KCNG4: variants seen among roughly 807,000 people sequenced by gnomAD.
KCNG4 encodes the protein voltage-gated potassium channel regulatory subunit KCNG4.
Under a neutral mutation model 28.2 loss-of-function variants are expected in KCNG4, and 30 were observed. That is an observed-to-expected ratio of 1.06 (90% CI 0.80 to 1.44). The LOEUF (loss-of-function observed/expected upper bound fraction) is 1.44. Among genes scored for constraint, KCNG4 ranks in the 40% most tolerant of loss-of-function variants. The pLI is 0.00. For synonymous variants in KCNG4, 375 were observed against 315.5 expected, an observed-to-expected ratio of 1.19 and a Z score of -2.00; for missense variants, 879 against 712.3, an observed-to-expected ratio of 1.23 and a Z score of -2.66.
intron 2 of KCNG4, among the ~76,000 whole-genome samples, chr16:84,232,665 C>T (rs1427161789): frequency 1.3e-5 from 2 of 151,928 alleles, no homozygotes; most frequent in Admixed American, 6.6e-5. Flanking sequence ...TTTGGGAGGC[C>T]GAGGTGGGAG....
Position 84,228,709 on chromosome 16 carries a change from A to G in KCNG4, c.757-5689T>C, listed in dbSNP as rs573855357. On this transcript the variant is annotated intron_variant, in intron 2 of 2. Coordinates refer to ENST00000308251, the MANE Select transcript of KCNG4 (RefSeq NM_172347.3). ...CCAACCGGACGGGGTCAGCCCCACC[A>G]TGGGACCTGGCCGATGAGTCATCTC... Among the ~76,000 whole-genome samples the G allele has an allele frequency of 3.4e-3, 507 of 150,524 alleles. 4 individuals carry two copies. Among genetic ancestry groups the G allele is most frequent in the African/African-American group, 0.012 (477 of 41,064 alleles).
chr16:84,237,083 GAA>G lies in KCNG4; in HGVS notation c.401_402del (p.Leu134ProfsTer180). ...AAGGACAGCGCGCACATCTCCTGCAGAAGCACCAGCTTCCCGGCCGCCAGGAA... is the reference window on the plus strand; with the variant it reads ...AAGGACAGCGCGCACATCTCCTGCAGGCACCAGCTTCCCGGCCGCCAGGAA... The part of the protein sequence containing the change: ...VSFLAAGKLV[L>X]LQEMCALSFQ... On this transcript the variant is annotated frameshift_variant, in exon 2 of 3. Coordinates refer to ENST00000308251, the MANE Select transcript of KCNG4 (RefSeq NM_172347.3). LOFTEE classifies it high-confidence loss of function. 1 of 1,614,110 alleles carries G rather than the reference GAA, an allele frequency of 6.2e-7. No individual in the cohort carries two copies. Among genetic ancestry groups the G allele is most frequent in the Non-Finnish European group, 8.5e-7 (1 of 1,180,024 alleles).
At chr16:84,227,926 G>A (rs779267659) in intron 2 of KCNG4, among the ~76,000 whole-genome samples, 2 of 152,188 alleles carry the variant, frequency 1.3e-5, no homozygotes, top group Non-Finnish European at 2.9e-5. Flanking sequence ...GATGGAGGAG[G>A]AGGGTAGCAG....
chr16:84,227,956 C>T (rs1011744190), intron 2 of KCNG4, among the ~76,000 whole-genome samples: 4 of 151,952 alleles, frequency 2.6e-5, no homozygotes, highest in East Asian at 1.9e-4. Flanking sequence ...CACAGCTCCA[C>T]GATGATACTA....
rs1442197433 is a variant in KCNG4, at chr16:84,226,064, C to T, written c.757-3044G>A. 6.6e-6 allele frequency among the ~76,000 whole-genome samples: 1 copy of T among 152,182 alleles called. No individual in the cohort carries two copies. The highest frequency in any genetic ancestry group is 1.5e-5 in the Non-Finnish European group (1 of 68,016). On this transcript the variant is annotated intron_variant, in intron 2 of 2. Transcript: ENST00000308251. The surrounding 1 kb of genome is among the most constrained non-coding windows in gnomAD (Gnocchi z 4.1). ...TGCTTAAACCCAGAAAGTTCCGGGT[C>T]CTAGGAACCCCCTGGGCCCTGGGCA...
chr16:84,226,681 C>T lies in KCNG4; in HGVS notation c.757-3661G>A, dbSNP rs1049808672. 7.7e-6 allele frequency among the ~76,000 whole-genome samples: 1 copy of T among 129,056 alleles called. No individual in the cohort carries two copies. Among genetic ancestry groups the T allele is most frequent in the African/African-American group, 2.9e-5 (1 of 34,686 alleles). The allele number at this position is 129,056 out of a possible 152,430, so 84.7% of individuals were successfully genotyped here. A position where few individuals can be genotyped will look rare whatever the true frequency, so the allele number is the denominator to read the frequency against. On this transcript the variant is annotated intron_variant, in intron 2 of 2. Transcript: ENST00000308251. The surrounding 1 kb of genome is among the most constrained non-coding windows in gnomAD (Gnocchi z 4.1). ...ATCACCTGAGGTCAGGAGTTCGAGA[C>T]CAGCCTGACCAATATGGTGAAACCT...
At chr16:84,224,927 G>A (rs1904663114) in intron 2 of KCNG4, among the ~76,000 whole-genome samples, 1 of 152,200 alleles carries the variant, frequency 6.6e-6, no homozygotes, top group South Asian at 2.1e-4. Flanking sequence ...TCAGAGCCTA[G>A]CGCAGTTTCA....
chr16:84,236,684 G>C, intron 2 of KCNG4, 46 bp downstream of exon 2: 1 of 1,554,806 alleles, frequency 6.4e-7, no homozygotes, highest in Non-Finnish European at 8.7e-7. Flanking sequence ...TCTCCGCCCA[G>C]GCACCCTGCG....
chr16:84,239,162 C>A (rs897927083), intron 1 of KCNG4, among the ~76,000 whole-genome samples: 1 of 152,194 alleles, frequency 6.6e-6, no homozygotes, highest in Non-Finnish European at 1.5e-5. Flanking sequence ...AATTTCAGAG[C>A]CGGTTGGATT....
At chr16:84,233,886 C>G (rs554025924) in intron 2 of KCNG4, among the ~76,000 whole-genome samples, 4 of 152,242 alleles carry the variant, frequency 2.6e-5, no homozygotes, top group African/African-American at 9.6e-5. Flanking sequence ...AATCTTAGCT[C>G]TGCCTTACTG....
At chr16:84,235,070 C>T (rs1469037943) in intron 2 of KCNG4, among the ~76,000 whole-genome samples, 2 of 152,312 alleles carry the variant, frequency 1.3e-5, no homozygotes, top group East Asian at 1.9e-4. Flanking sequence ...GCCTGATCCT[C>T]GGCTGAAACT....
intron 2 of KCNG4, among the ~76,000 whole-genome samples, chr16:84,229,376 T>C (rs1567625433): frequency 1.3e-5 from 2 of 152,164 alleles, no homozygotes; most frequent in Non-Finnish European, 1.5e-5. Flanking sequence ...CATAACTTCT[T>C]GAGACCCAGT....
Position 84,222,620 on chromosome 16 carries a change from G to A in KCNG4, c.1157C>T (p.Ser386Phe). 1 of 1,613,382 alleles carries A rather than the reference G, an allele frequency of 6.2e-7. No homozygotes were observed. The highest frequency in any genetic ancestry group is 8.5e-7 in the Non-Finnish European group (1 of 1,179,988). The change falls in exon 3 of 3, where the codon TCC (serine) becomes TTC (phenylalanine). Residue 386 changes from serine to phenylalanine, a missense_variant. Transcript: ENST00000308251. ...LFLAVAITLF[S>F]PLVYVAEKES... ...CTTCTCGGCCACGTAGACCAAAGGG[G>A]AGAAGAGGGTGATGGCCACGGCCAG...
chr16:84,223,001 C>A lies in KCNG4; in HGVS notation c.776G>T (p.Cys259Phe). The A allele has an allele frequency of 6.5e-7, 1 of 1,532,100 alleles. No homozygotes were observed. The highest frequency in any genetic ancestry group is 1.3e-5 in the South Asian group (1 of 77,870). 94.9% of individuals were successfully genotyped at this position (1,532,100 alleles called of 1,614,324 possible). A position where few individuals can be genotyped will look rare whatever the true frequency, so the allele number is the denominator to read the frequency against. The part of the protein sequence containing the change: ...EEDQGECSRK[C>F]YYIFIVETIC... ...GGTCTCCACGATGAAAATATAGTAG[C>A]ACTTCCGAGAGCATTCGCCCTGCGG... The change falls in exon 3 of 3, where the codon TGC becomes TTC. Residue 259 changes from cysteine (C) to phenylalanine (F), a missense_variant. Coordinates refer to ENST00000308251, the MANE Select transcript of KCNG4 (RefSeq NM_172347.3).
rs767108594 is a variant in KCNG4 at position 84,222,611 on chromosome 16, A to G, written c.1166T>C (p.Val389Ala). The change falls in exon 3 of 3, where the codon GTC (valine) becomes GCC (alanine). Residue 389 changes from valine (V) to alanine (A), a missense_variant. Physicochemically the swap from Val to Ala is moderately conservative, Grantham distance 64. Coordinates refer to ENST00000308251, the MANE Select transcript of KCNG4 (RefSeq NM_172347.3). ...CCCGGACTCCTTCTCGGCCACGTAG[A>G]CCAAAGGGGAGAAGAGGGTGATGGC... is the stretch of plus-strand genomic sequence containing the variant. Reference protein sequence around the residue: ...AVAITLFSPLVYVAEKESGRV... With the variant: ...AVAITLFSPLAYVAEKESGRV... The G allele has an allele frequency of 1.2e-6, 2 of 1,613,352 alleles. No homozygotes were observed. The highest frequency in any genetic ancestry group is 1.7e-6 in the Non-Finnish European group (2 of 1,179,998).
intron 1 of KCNG4, among the ~76,000 whole-genome samples, chr16:84,238,400 T>G (rs1905028107): frequency 6.6e-6 from 1 of 152,194 alleles, no homozygotes; most frequent in African/African-American, 2.4e-5. Flanking sequence ...CCAGTCTCGC[T>G]TAATCCCTCT....
rs558987104 is a variant in KCNG4 at position 84,233,276 on chromosome 16, A to G, written c.756+3454T>C. On this transcript the variant is annotated intron_variant, in intron 2 of 2. Coordinates refer to ENST00000308251, the MANE Select transcript of KCNG4 (RefSeq NM_172347.3). ...ACTGGGTTAGTCATGGGTGAGGCCA[A>G]GATTGAAACCCAGGACATCTGGCCT... Among the ~76,000 whole-genome samples, 3 of 152,330 alleles carry G rather than the reference A, an allele frequency of 2.0e-5. No homozygotes were observed. The South Asian group carries it at 6.2e-4, about 32-fold the overall frequency.
In KCNG4 at chr16:84,239,931, TTTTA is replaced by T. The variant is rs1273918563; in HGVS notation, c.-306_-303del. On this transcript the variant is annotated 5_prime_UTR_variant, in exon 1 of 3. Coordinates refer to ENST00000308251, the MANE Select transcript of KCNG4 (RefSeq NM_172347.3). ...GGATTGAGGTGGGATTTTTTTTTTT[TTTTA>T]AAGGACCCAGAAGTCCCTTTCCTTA... 1.5e-4 allele frequency among the ~76,000 whole-genome samples: 23 copies of T among 151,486 alleles called. No homozygotes were observed. The highest frequency in any genetic ancestry group is 4.4e-5 in the Non-Finnish European group (3 of 67,830).
At chr16:84,236,565 T>G in intron 2 of KCNG4, 165 bp downstream of exon 2, 1 of 879,438 alleles carries the variant, frequency 1.1e-6, no homozygotes, top group South Asian at 2.0e-5. Flanking sequence ...TGGAAAATTA[T>G]CTTTTATGAC....
Sources: gnomAD v4.1 joint callset for allele counts (sites outside exome capture counted in the v4.1 genomes callset) on GRCh38, gnomAD v4.1.1 for gene constraint, Gnocchi (gnomAD v3.1) non-coding constraint, MANE v1.5 for transcripts, NCBI Gene and HGNC (gene_info 2026-07-23, HGNC 2026-07-21) for gene names.